The following PIEZO1 variants were observed in gnomAD, a reference collection of about 807,000 sequenced individuals.
PIEZO1 encodes piezo type mechanosensitive ion channel component 1 (Er blood group), also known as piezo-type mechanosensitive ion channel component 1.
In PIEZO1, 296 loss-of-function variants were observed where a neutral mutation model predicts 297.2. That is an observed-to-expected ratio of 1.00 (90% confidence interval 0.91 to 1.10). PIEZO1 has a LOEUF of 1.10. Ranked by LOEUF, PIEZO1 falls within the 50% of genes least tolerant of loss-of-function variation. The pLI is 0.00. For missense variants in PIEZO1, 5,018 were observed against 3,455.5 expected (o/e 1.45, Z -11.34); for synonymous variants, 2,427 against 1,507.5 (o/e 1.61, Z -14.13).
Position 88,749,372 on chromosome 16 carries a change from C to T in PIEZO1, c.160+12G>A. On this transcript the variant is annotated intron_variant, in intron 2 of 50. Coordinates refer to ENST00000301015, the MANE Select transcript of PIEZO1 (RefSeq NM_001142864.4). ...CCACCCTGAGAGCGTGGGCAGGGTCCCCTGGCCTTACCTTGGAGGCCGCAT... is the reference window on the plus strand; with the variant it reads ...CCACCCTGAGAGCGTGGGCAGGGTCTCCTGGCCTTACCTTGGAGGCCGCAT... 6.7e-7 allele frequency: 1 copy of T among 1,482,212 alleles called. No individual in the cohort carries two copies. Among genetic ancestry groups the T allele is most frequent in the South Asian group, 1.3e-5 (1 of 75,384 alleles). The allele number at this position is 1,482,212 out of a possible 1,614,324, so 91.8% of individuals were successfully genotyped here.
At position 88,733,620 on chromosome 16, in the gene PIEZO1, C is replaced by T. The variant is rs915932724; in HGVS notation, c.2455G>A (p.Ala819Thr). Reference sequence around the variant, plus strand: ...AGGGCCACCCAGACGGTGTACAGGGCCACCAGCTTGAAAACGTGAAGCTCC... The same window carrying T: ...AGGGCCACCCAGACGGTGTACAGGGTCACCAGCTTGAAAACGTGAAGCTCC... ...LLELHVFKLVALYTVWVALKE... is the reference protein window; with the variant it reads ...LLELHVFKLVTLYTVWVALKE... Residue 819 changes from alanine to threonine, a missense_variant, in exon 18 of 51, where the codon GCC becomes ACC. Transcript: ENST00000301015. The T allele has an allele frequency of 6.5e-7, 1 of 1,549,218 alleles. No homozygotes were observed. The highest frequency in any genetic ancestry group is 1.2e-5 in the South Asian group (1 of 83,954).
rs573500674 is a variant in PIEZO1 at position 88,776,027 on chromosome 16, C to T, written c.64+8874G>A. ...TGCGCAGCACAGGCCGTGGGGCAGT[C>T]GGGGCCTCAGAGCCAGGCCCACGGG... On this transcript the variant is annotated intron_variant, in intron 1 of 50. Transcript: ENST00000301015. Among the ~76,000 whole-genome samples the T allele has an allele frequency of 2.1e-4, 32 of 152,314 alleles. No homozygotes were observed. The South Asian group carries it at 4.6e-3, about 22-fold the overall frequency.
chr16:88,724,529 T>TC (rs1904313206), intron 30 of PIEZO1, among the ~76,000 whole-genome samples: 1 of 111,786 alleles, frequency 8.9e-6, no homozygotes, highest in Non-Finnish European at 1.8e-5. Flanking sequence ...AGACACCGTC[T>TC]CCAAAAAAAA....
At chr16:88,781,950 C>T (rs1362202760) in intron 1 of PIEZO1, among the ~76,000 whole-genome samples, 4 of 152,218 alleles carry the variant, frequency 2.6e-5, no homozygotes, top group Non-Finnish European at 4.4e-5. Context: ...ACGAGGCACC[C>T]TGAAAAGCAG....
intron 22 of PIEZO1, among the ~76,000 whole-genome samples, chr16:88,729,489 AAAAC>A (rs1904659986): frequency 8.5e-6 from 1 of 117,986 alleles, no homozygotes; most frequent in Non-Finnish European, 1.9e-5. Context: ...TCGCGACACA[AAAAC>A]AAAGTGACCC....
chr16:88,716,657 C>T lies in PIEZO1; in HGVS notation c.6828G>A (p.Ala2276=), dbSNP rs373525869. Residue 2276 remains alanine (A), a synonymous_variant, in exon 47 of 51, where the codon GCG becomes GCA. Coordinates refer to ENST00000301015, the MANE Select transcript of PIEZO1 (RefSeq NM_001142864.4). ...GGCTGGGGGGACTGATGCGCCACAGCGCCCCGGAGCTGCCCTCAATCTGCG... is the reference window on the plus strand; with the variant it reads ...GGCTGGGGGGACTGATGCGCCACAGTGCCCCGGAGCTGCCCTCAATCTGCG... The part of the protein sequence containing the change: ...VTAQIEGSSG[A]LWRISPPSRA... The T allele has an allele frequency of 8.1e-5, 125 of 1,549,322 alleles. 1 individual carries two copies. Among genetic ancestry groups the T allele is most frequent in the African/African-American group, 2.0e-4 (15 of 73,178 alleles).
At chr16:88,754,199 G>A (rs1288562276) in intron 1 of PIEZO1, among the ~76,000 whole-genome samples, 2 of 152,230 alleles carry the variant, frequency 1.3e-5, no homozygotes, top group African/African-American at 2.4e-5. Flanking sequence ...CTACAGCTGA[G>A]AGGAGCACAG....
intron 1 of PIEZO1, among the ~76,000 whole-genome samples, chr16:88,770,066 G>A (rs186930146): frequency 6.6e-6 from 1 of 152,296 alleles, no homozygotes; most frequent in African/African-American, 2.4e-5. Context: ...CCCGTCCCCA[G>A]GGAAGAGGAC....
chr16:88,761,070 T>A (rs1369099227), intron 1 of PIEZO1, among the ~76,000 whole-genome samples: 1 of 151,912 alleles, frequency 6.6e-6, no homozygotes, highest in East Asian at 1.9e-4. Context: ...CCTGGAGGGG[T>A]TTGCAGGGCA....
chr16:88,741,983 C>A, intron 4 of PIEZO1, 70 bp downstream of exon 4: 1 of 1,474,240 alleles, frequency 6.8e-7, no homozygotes, highest in African/African-American at 1.4e-5. Flanking sequence ...CCTCCTGGGT[C>A]CCCCCACTTC....
chr16:88,733,756 G>C lies in PIEZO1; in HGVS notation c.2330-11C>G, dbSNP rs1320683814. 10 of 1,535,308 alleles carry C rather than the reference G, an allele frequency of 6.5e-6. No homozygotes were observed. The highest frequency in any genetic ancestry group is 8.8e-6 in the Non-Finnish European group (10 of 1,138,754). ...CCCACTTGGCTGCCCCTGTGATGGT[G>C]TGAGGGTCAGTGCGGGGCACAAACG... On this transcript the variant is annotated splice_polypyrimidine_tract_variant and intron_variant, in intron 17 of 50. Coordinates refer to ENST00000301015, the MANE Select transcript of PIEZO1 (RefSeq NM_001142864.4).
In PIEZO1 at chr16:88,723,405, C is replaced by T. The variant is rs998801713; in HGVS notation, c.4336-77G>A. 22 of 1,493,840 alleles carry T rather than the reference C, an allele frequency of 1.5e-5. No individual in the cohort carries two copies. In the East Asian group the frequency reaches 2.5e-4, roughly 17 times the overall value. The allele number at this position is 1,493,840 out of a possible 1,614,324, so 92.5% of individuals were successfully genotyped here. A position where few individuals can be genotyped will look rare whatever the true frequency, so the allele number is the denominator to read the frequency against. ...GGCGGGAAGCTGGGGTTGGGCAAGC[C>T]GGGCGCCAGATCCAGATCCCTGCTC... is the stretch of plus-strand genomic sequence containing the variant. On this transcript the variant is annotated intron_variant, in intron 31 of 50. Coordinates refer to ENST00000301015, the MANE Select transcript of PIEZO1 (RefSeq NM_001142864.4).
rs577256993 is a variant in PIEZO1 at position 88,731,694 on chromosome 16, C to T, written c.3196+12G>A. The T allele has an allele frequency of 1.2e-4, 186 of 1,546,782 alleles. No homozygotes were observed. The highest frequency in any genetic ancestry group is 1.8e-4 in the Middle Eastern group (1 of 5,524). On this transcript the variant is annotated intron_variant, in intron 22 of 50. Transcript: ENST00000301015. ...ACAAAGCCCACTCCCACCCAAGCCA[C>T]GTGCCCCTCACCAATGCACAGGGCC...
Position 88,732,440 on chromosome 16 carries a change from A to G in PIEZO1, c.2886T>C (p.Pro962=), listed in dbSNP as rs1241001801. ...TGCCGCTGGCAAACACGGCCTGGGC[A>G]GGCAGCGGGGCCAGCTGGTGCTGCC... The part of the protein sequence containing the change: ...YRRQHQLAPL[P]AQAVFASGTR... Residue 962 remains proline, a synonymous_variant, in exon 21 of 51, where the codon CCT becomes CCC. Transcript: ENST00000301015. The G allele has an allele frequency of 6.5e-7, 1 of 1,549,642 alleles. No individual in the cohort carries two copies. Among genetic ancestry groups the G allele is most frequent in the East Asian group, 2.4e-5 (1 of 40,918 alleles).
chr16:88,745,954 G>C (rs1906029125), intron 2 of PIEZO1, among the ~76,000 whole-genome samples: 2 of 152,182 alleles, frequency 1.3e-5, no homozygotes, highest in Non-Finnish European at 2.9e-5. Context: ...CTGATGCGTG[G>C]TCCATAGCCA....
chr16:88,724,531 CA>C (rs374217979), intron 30 of PIEZO1, among the ~76,000 whole-genome samples: 284 of 99,388 alleles, frequency 2.9e-3, no homozygotes, highest in Admixed American at 3.3e-3. Context: ...ACACCGTCTC[CA>C]AAAAAAAAAA....
At chr16:88,773,129 C>T (rs1346453226) in intron 1 of PIEZO1, among the ~76,000 whole-genome samples, 1 of 152,238 alleles carries the variant, frequency 6.6e-6, no homozygotes, top group African/African-American at 2.4e-5. Flanking sequence ...CGGCTCCAGC[C>T]AGCCCTCAGG....
chr16:88,724,700 G>C (rs1301537039), intron 30 of PIEZO1, among the ~76,000 whole-genome samples: 1 of 152,106 alleles, frequency 6.6e-6, no homozygotes, highest in East Asian at 1.9e-4. Flanking sequence ...ATCTCAAAAA[G>C]AAACAAAAAC....
chr16:88,719,760 A>G (rs1442974648), intron 43 of PIEZO1, 39 bp from the exon 44 acceptor site: 10 of 1,549,986 alleles, frequency 6.5e-6, no homozygotes. Context: ...GGGCTCCCTC[A>G]TGCCCGGGCC....
Sources: allele counts gnomAD v4.1 joint callset (sites outside exome capture counted in the v4.1 genomes callset), GRCh38; gene constraint gnomAD v4.1.1; transcripts MANE v1.5; gene names NCBI Gene and HGNC (gene_info 2026-07-23, HGNC 2026-07-21).